The following GAS2L2 variants were observed in gnomAD, a reference collection of about 807,000 sequenced individuals.
GAS2L2 encodes the protein GAS2-like protein 2.
Under a neutral mutation model 35.2 loss-of-function variants are expected in GAS2L2, and 21 were observed. The observed-to-expected ratio is 0.60, with a 90% confidence interval of 0.42 to 0.86. The LOEUF (loss-of-function observed/expected upper bound fraction) is 0.86. GAS2L2 is among the 40% of genes least tolerant of loss of function. The probability of loss-of-function intolerance (pLI) is 0.00; values close to 1 mark genes in which losing one functional copy is unlikely to be tolerated. For missense variants in GAS2L2, 1,169 were observed against 1,144.4 expected (o/e 1.02, Z -0.31); for synonymous variants, 490 against 473.2 (o/e 1.04, Z -0.46).
chr17:35,747,824 G>A, intron 4 of GAS2L2, 25 bp downstream of exon 4: 1 of 1,602,036 alleles, frequency 6.2e-7, no homozygotes, highest in Non-Finnish European at 8.6e-7. Context: ...CAACCCCACA[G>A]GGAGAGGGCC....
chr17:35,749,894 A>G (rs1204922510), intron 2 of GAS2L2, among the ~76,000 whole-genome samples, 183 bp downstream of exon 2: 1 of 152,024 alleles, frequency 6.6e-6, no homozygotes, highest in African/African-American at 2.4e-5. Context: ...ATTAATTACT[A>G]CGCGTGGTTA....
chr17:35,747,828 G>A (rs782211317), intron 4 of GAS2L2, 21 bp downstream of exon 4: 4 of 1,599,632 alleles, frequency 2.5e-6, no homozygotes, highest in South Asian at 1.1e-5. Context: ...CCCACAGGGA[G>A]AGGGCCCTCA....
At position 35,744,962 on chromosome 17, in the gene GAS2L2, C is replaced by T; in HGVS notation, c.2535G>A (p.Glu845=). 1 of 1,614,104 alleles carries T rather than the reference C, an allele frequency of 6.2e-7. No individual in the cohort carries two copies. Among genetic ancestry groups the T allele is most frequent in the Non-Finnish European group, 8.5e-7 (1 of 1,180,006 alleles). The change falls in exon 6 of 6, where the codon GAG becomes GAA. Residue 845 remains glutamate (E), a synonymous_variant. Coordinates refer to ENST00000604641, the MANE Select transcript of GAS2L2 (RefSeq NM_139285.4). ...TCTCCAATGGAGCGGCTGGCTCTTT[C>T]TCCTCCTTTCCTTCCTCCTCCTCCT... The part of the protein sequence containing the change: ...VGEEEEEGKE[E]KEPAAPLESS...
intron 2 of GAS2L2, among the ~76,000 whole-genome samples, 198 bp downstream of exon 2, chr17:35,749,879 T>C (rs1555599510): frequency 1.3e-5 from 2 of 151,966 alleles, no homozygotes; most frequent in African/African-American, 4.8e-5. Context: ...AGAAATGACA[T>C]GGCCATTAAT....
intron 3 of GAS2L2, 23 bp from the exon 4 acceptor site, chr17:35,747,968 A>G (rs1394914623): frequency 8.1e-6 from 13 of 1,596,884 alleles, no homozygotes; most frequent in Non-Finnish European, 1.1e-5. Context: ...GGGTGAGGTT[A>G]AGGGCGGGGT....
In GAS2L2 at chr17:35,747,151, G is replaced by C. The variant is rs587629921; in HGVS notation, c.950C>G (p.Pro317Arg). ...TGTCTTCCAGTCCACAGGGGGTGGTGGGCTCTGTGAGCGGCTGATGGTCAT... is the reference window on the plus strand; with the variant it reads ...TGTCTTCCAGTCCACAGGGGGTGGTCGGCTCTGTGAGCGGCTGATGGTCAT... ...PTMTISRSQS[P>R]PPPVDWKTYT... is the part of the protein sequence containing the mutation. The change falls in exon 5 of 6, where the codon CCA becomes CGA. Residue 317 changes from proline to arginine, a missense_variant. Transcript: ENST00000604641. 4.3e-6 allele frequency: 7 copies of C among 1,613,954 alleles called. No individual in the cohort carries two copies. The Admixed American group carries it at 1.2e-4, about 27-fold the overall frequency.
At position 35,745,736 on chromosome 17, in the gene GAS2L2, G is replaced by A. The variant is rs1736137124; in HGVS notation, c.1761C>T (p.Tyr587=). ...TGTTCCCGCCCAAGGGCAGAGGTGT[G>A]TACCGCCCCTCCTGCTCCTGTAGGC... The part of the protein sequence containing the change: ...DLGLQEQEGR[Y]TPLPLGGNKE... The change falls in exon 6 of 6, where the codon TAC becomes TAT. Residue 587 remains tyrosine (Y), a synonymous_variant. Transcript: ENST00000604641. 5.0e-6 allele frequency: 8 copies of A among 1,613,718 alleles called. No individual in the cohort carries two copies. Among genetic ancestry groups the A allele is most frequent in the South Asian group, 1.1e-5 (1 of 91,094 alleles).
At position 35,752,513 on chromosome 17, in the gene GAS2L2, T is replaced by C. The variant is rs782437745; in HGVS notation, c.338A>G (p.Asn113Ser). Residue 113 changes from asparagine to serine, a missense_variant, in exon 1 of 6, where the codon AAT (asparagine) becomes AGT (serine). Coordinates refer to ENST00000604641, the MANE Select transcript of GAS2L2 (RefSeq NM_139285.4). ...ACACCACTGGATGAAGTTAGAGACA[T>C]TGTCCCTGGCCTGGAAGGTACCTGG... ...AQPGTFQARD[N>S]VSNFIQWCRK... 1.2e-6 allele frequency: 2 copies of C among 1,606,978 alleles called. No homozygotes were observed. The highest frequency in any genetic ancestry group is 1.1e-5 in the South Asian group (1 of 90,742).
In GAS2L2 at chr17:35,744,985, C is replaced by T. The variant is rs1230071571; in HGVS notation, c.2512G>A (p.Glu838Lys). The T allele has an allele frequency of 1.9e-6, 3 of 1,614,162 alleles. No homozygotes were observed. The East Asian group carries it at 6.7e-5, about 36-fold the overall frequency. Reference sequence around the variant, plus strand: ...TTCTCCTCCTTTCCTTCCTCCTCCTCCTCACCTACTGAAGCTCCATCCACC... The same window carrying T: ...TTCTCCTCCTTTCCTTCCTCCTCCTTCTCACCTACTGAAGCTCCATCCACC... The part of the protein sequence containing the change: ...SRVDGASVGE[E>K]EEEGKEEKEP... Residue 838 changes from glutamate to lysine, a missense_variant, in exon 6 of 6, where the codon GAG becomes AAG. This residue lies in a region of GAS2L2 where 1,035 missense variants were observed against 976.5 expected (regional missense o/e 1.06). Coordinates refer to ENST00000604641, the MANE Select transcript of GAS2L2 (RefSeq NM_139285.4).
chr17:35,747,666 C>T (rs587637000), intron 4 of GAS2L2, among the ~76,000 whole-genome samples, 183 bp downstream of exon 4: 8 of 152,224 alleles, frequency 5.3e-5, no homozygotes, highest in African/African-American at 1.4e-4. Context: ...CATCTTGTGG[C>T]GACATTTAGT....
intron 2 of GAS2L2, 27 bp from the exon 3 acceptor site, chr17:35,749,244 T>A: frequency 6.6e-7 from 1 of 1,521,856 alleles, no homozygotes; most frequent in Non-Finnish European, 9.1e-7. Context: ...AACTCAGCCC[T>A]CTCCTTTGCC....
rs782076231 is a variant in GAS2L2 at position 35,744,890 on chromosome 17, T to C, written c.2607A>G (p.Gln869=). 1.9e-6 allele frequency: 3 copies of C among 1,606,072 alleles called. No homozygotes were observed. The highest frequency in any genetic ancestry group is 1.7e-6 in the Non-Finnish European group (2 of 1,176,054). Residue 869 remains glutamine, a synonymous_variant, in exon 6 of 6, where the codon CAA becomes CAG. Coordinates refer to ENST00000604641, the MANE Select transcript of GAS2L2 (RefSeq NM_139285.4). ...ACTCCTCCTCAGGTGGAAGTGGAGC[T>C]TGATTAAGCCAGTGAGGTTGCAGGC... is the stretch of plus-strand genomic sequence containing the variant. The part of the protein sequence containing the change: ...PEGLQPHWLN[Q]APLPPEEESW...
At position 35,750,300 on chromosome 17, in the gene GAS2L2, G is replaced by A. The variant is rs1457207792; in HGVS notation, c.404C>T (p.Thr135Met). The A allele has an allele frequency of 1.1e-5, 17 of 1,613,788 alleles. No homozygotes were observed. The highest frequency in any genetic ancestry group is 1.4e-5 in the Non-Finnish European group (17 of 1,179,960). ...MGIQEVLMFE[T>M]EDLVLRKNVK... The stretch of plus-strand genomic sequence containing the variant: ...GTTCTTGCGCAGCACCAAGTCCTCC[G>A]TCTCGAACATCAGCACCTCTGGAGT... Residue 135 changes from threonine to methionine, a missense_variant, in exon 2 of 6, where the codon ACG (threonine) becomes ATG (methionine). Thr to Met is a moderately conservative substitution (Grantham distance 81). Around this residue, in one of 3 missense-constraint regions of GAS2L2, gnomAD observed 1,035 missense variants for 976.5 expected, o/e 1.06. Transcript: ENST00000604641.
Position 35,746,294 on chromosome 17 carries a change from T to G in GAS2L2, c.1203A>C (p.Gly401=). The G allele has an allele frequency of 7.0e-7, 1 of 1,430,342 alleles. No homozygotes were observed. The highest frequency in any genetic ancestry group is 9.2e-7 in the Non-Finnish European group (1 of 1,088,768). 88.6% of individuals were successfully genotyped at this position (1,430,342 alleles called of 1,614,324 possible). The stretch of plus-strand genomic sequence containing the variant: ...CAGGGGGGTATCTCTCCTCCCTCTT[T>G]CCTGACGAGGTACACTGTGGGTCTC... ...KGRDPQCTSS[G]KREERYPPEL... is the part of the protein sequence containing the mutation. The change falls in exon 6 of 6, where the codon GGA becomes GGC. Residue 401 remains glycine (G), a synonymous_variant. Coordinates refer to ENST00000604641, the MANE Select transcript of GAS2L2 (RefSeq NM_139285.4).
At chr17:35,746,988 G>A (rs782064256) in intron 5 of GAS2L2, 28 bp downstream of exon 5, 3 of 1,515,164 alleles carry the variant, frequency 2.0e-6, no homozygotes, top group Non-Finnish European at 2.6e-6. Flanking sequence ...AAAGGAAAAA[G>A]AGCCCCATCC....
At position 35,752,522 on chromosome 17, in the gene GAS2L2, G is replaced by A; in HGVS notation, c.329C>T (p.Ala110Val). ...NGAAQPGTFQ[A>V]RDNVSNFIQW... ...GATGAAGTTAGAGACATTGTCCCTG[G>A]CCTGGAAGGTACCTGGCTGGGCGGC... Residue 110 changes from alanine to valine, a missense_variant, in exon 1 of 6, where the codon GCC becomes GTC. Ala to Val is a moderately conservative substitution (Grantham distance 64). Transcript: ENST00000604641. 1.9e-6 allele frequency: 3 copies of A among 1,610,750 alleles called. No individual in the cohort carries two copies. Among genetic ancestry groups the A allele is most frequent in the Non-Finnish European group, 2.5e-6 (3 of 1,177,362 alleles).
At chr17:35,749,440 G>A (rs1555599458) in intron 2 of GAS2L2, among the ~76,000 whole-genome samples, 1 of 152,242 alleles carries the variant, frequency 6.6e-6, no homozygotes, top group African/African-American at 2.4e-5. Flanking sequence ...GATGGAAGCG[G>A]CAGAGTGCCA....
intron 3 of GAS2L2, among the ~76,000 whole-genome samples, chr17:35,748,245 T>C (rs1213039699): frequency 6.6e-6 from 1 of 152,252 alleles, no homozygotes; most frequent in African/African-American, 2.4e-5. Context: ...TGTACATGCC[T>C]GTACCCAAAA....
chr17:35,752,629 G>A lies in GAS2L2; in HGVS notation c.222C>T (p.Asp74=), dbSNP rs782033086. Residue 74 remains aspartate (D), a synonymous_variant, in exon 1 of 6, where the codon GAC becomes GAT. Coordinates refer to ENST00000604641, the MANE Select transcript of GAS2L2 (RefSeq NM_139285.4). ...VLCQHANVVT[D]AALAFLAEAP... is the part of the protein sequence containing the mutation. ...CCTCAGCCAGGAAGGCCAGGGCAGC[G>A]TCAGTGACAACGTTGGCGTGTTGGC... 14 of 1,613,738 alleles carry A rather than the reference G, an allele frequency of 8.7e-6. No homozygotes were observed. Among genetic ancestry groups the A allele is most frequent in the Middle Eastern group, 1.7e-4 (1 of 6,060 alleles).
Sources: gnomAD v4.1 joint callset for allele counts (sites outside exome capture counted in the v4.1 genomes callset) on GRCh38, gnomAD v4.1.1 for gene constraint, gnomAD v4.1.1 regional missense constraint, MANE v1.5 for transcripts, NCBI Gene and HGNC (gene_info 2026-07-23, HGNC 2026-07-21) for gene names.